Variants in CTNNAL1 observed in about 807,000 individuals in gnomAD.
The protein encoded by CTNNAL1 is catenin alpha like 1.
Under a neutral mutation model 93.6 loss-of-function variants are expected in CTNNAL1, and 69 were observed. The observed-to-expected ratio is 0.74, with a 90% CI of 0.61 to 0.90. The LOEUF is 0.90. Ranked by LOEUF, CTNNAL1 falls within the 40% of genes least tolerant of loss-of-function variation. The pLI is 0.00. For synonymous variants in CTNNAL1, 286 were observed against 305.4 expected (o/e 0.94, Z 0.66); for missense variants, 836 against 862.0 (o/e 0.97, Z 0.38).
At chr9:108,972,864 G>GGGGGGGGGGGGGGGGGGGGCCCCC in intron 8 of CTNNAL1, 31 bp from the exon 9 acceptor site, 1 of 142,590 alleles carries the variant, frequency 7.0e-6, no homozygotes, top group Non-Finnish European at 1.0e-5. Flanking sequence ...GGGGGGGTGG[G>GGGGGGGGGGGGGGGGGGGGCCCCC]AGGGTGGAGA....
intron 2 of CTNNAL1, among the ~76,000 whole-genome samples, chr9:108,997,726 G>A (rs1454211527): frequency 6.6e-6 from 1 of 152,050 alleles, no homozygotes; most frequent in East Asian, 1.9e-4. Flanking sequence ...AGTTATCCCT[G>A]GCTCTTCTAT....
intron 9 of CTNNAL1, among the ~76,000 whole-genome samples, chr9:108,970,762 A>G (rs544588365): frequency 1.3e-5 from 2 of 152,162 alleles, no homozygotes; most frequent in South Asian, 2.1e-4. Flanking sequence ...TAAAACAGAA[A>G]GAACCTTTGG....
intron 1 of CTNNAL1, among the ~76,000 whole-genome samples, chr9:109,007,259 A>C (rs574322194): frequency 1.2e-3 from 182 of 152,152 alleles, no homozygotes; most frequent in Non-Finnish European, 2.5e-3. Flanking sequence ...AGAAAAAAAA[A>C]CACGCATGTA....
In CTNNAL1 at chr9:108,966,491, G is replaced by A. The variant is rs143496412; in HGVS notation, c.1441-963C>T. Among the ~76,000 whole-genome samples the A allele has an allele frequency of 4.8e-4, 73 of 152,062 alleles. 1 individual carries two copies. In the East Asian group the frequency reaches 0.011, roughly 23 times the overall value. ...ATCCTAACTGATCCAAACCTCCCTCGTGCCCCTCAGTGCTCTCTCCCTTCC... is the reference window on the plus strand; with the variant it reads ...ATCCTAACTGATCCAAACCTCCCTCATGCCCCTCAGTGCTCTCTCCCTTCC... On this transcript the variant is annotated intron_variant, in intron 10 of 18. Transcript: ENST00000325551.
chr9:108,945,623 C>G (rs545879995), intron 15 of CTNNAL1, among the ~76,000 whole-genome samples: 36 of 109,962 alleles, frequency 3.3e-4, no homozygotes, highest in African/African-American at 1.0e-3. Flanking sequence ...CACCATGCCC[C>G]GCTAGTTTTT....
At chr9:108,966,861 A>G (rs1254186948) in intron 10 of CTNNAL1, among the ~76,000 whole-genome samples, 2 of 152,358 alleles carry the variant, frequency 1.3e-5, no homozygotes, top group East Asian at 3.9e-4. Flanking sequence ...CTGACCTGAC[A>G]TTCAGTAGAA....
intron 14 of CTNNAL1, 57 bp from the exon 15 acceptor site, chr9:108,948,291 T>A: frequency 6.6e-7 from 1 of 1,518,138 alleles, no homozygotes; most frequent in Non-Finnish European, 8.9e-7. Flanking sequence ...GAAAATTGAC[T>A]TTATAATATT....
chr9:109,008,078 T>TA (rs1376058049), intron 1 of CTNNAL1, among the ~76,000 whole-genome samples: 1 of 151,922 alleles, frequency 6.6e-6, no homozygotes, highest in Non-Finnish European at 1.5e-5. Flanking sequence ...ATACTACTGT[T>TA]AAAAGACATT....
chr9:108,990,220 T>A (rs1333464107), intron 4 of CTNNAL1, among the ~76,000 whole-genome samples: 2 of 152,188 alleles, frequency 1.3e-5, no homozygotes, highest in Non-Finnish European at 2.9e-5. Context: ...TAGTTAACAA[T>A]ACCTACCTCA....
intron 8 of CTNNAL1, 38 bp downstream of exon 8, chr9:108,976,924 A>G: frequency 2.4e-6 from 2 of 847,076 alleles, no homozygotes; most frequent in East Asian, 3.1e-5. Context: ...TGAAAATCAC[A>G]AAGAATTAGA....
chr9:108,974,441 T>C (rs1333899135), intron 8 of CTNNAL1, among the ~76,000 whole-genome samples: 1 of 152,196 alleles, frequency 6.6e-6, no homozygotes. Flanking sequence ...TCTTTCTATG[T>C]TTAACAGGAT....
chr9:108,943,659 A>G (rs778981030), intron 17 of CTNNAL1, 44 bp downstream of exon 17: 1 of 1,514,604 alleles, frequency 6.6e-7, no homozygotes. Flanking sequence ...GGCTTTAACC[A>G]GATAAAGATA....
intron 2 of CTNNAL1, among the ~76,000 whole-genome samples, chr9:108,993,225 C>G (rs1831881425): frequency 6.6e-6 from 1 of 152,192 alleles, no homozygotes; most frequent in Non-Finnish European, 1.5e-5. Context: ...GGGGAGAAGT[C>G]AGGGGTCACT....
Position 108,992,817 on chromosome 9 carries a change from C to T in CTNNAL1, c.334G>A (p.Glu112Lys). 1 of 1,603,404 alleles carries T rather than the reference C, an allele frequency of 6.2e-7. No individual in the cohort carries two copies. The highest frequency in any genetic ancestry group is 1.1e-5 in the South Asian group (1 of 88,790). Residue 112 changes from glutamate (E) to lysine (K), a missense_variant and splice_region_variant, in exon 3 of 19, where the codon GAA (glutamate) becomes AAA (lysine). Glu to Lys is a moderately conservative substitution (Grantham distance 56). Transcript: ENST00000325551. ...IACIEAKQAG[E>K]TIAALTDITN... ...ATGTCTGTAAGTGCTGCAATTGTTT[C>T]TCCTAACAAGAAAGACGAGGGGAGA... is the stretch of plus-strand genomic sequence containing the variant.
In CTNNAL1 at chr9:109,013,312, A is replaced by C. The variant is rs1827272119; in HGVS notation, c.131T>G (p.Leu44Arg). The change falls in exon 1 of 19, where the codon CTG becomes CGG. Residue 44 changes from leucine to arginine, a missense_variant. By Grantham distance (102) the Leu-to-Arg change is moderately radical. Coordinates refer to ENST00000325551, the MANE Select transcript of CTNNAL1 (RefSeq NM_003798.4). ...TRSVEQTLLP[L>R]VSQITTLINH... ...CAGGCGCCACTTTACCTGAGAAACC[A>C]GCGGGAGTAGCGTCTGCTCCACCGA... 6.6e-7 allele frequency: 1 copy of C among 1,504,398 alleles called. No individual in the cohort carries two copies. The highest frequency in any genetic ancestry group is 1.5e-5 in the African/African-American group (1 of 68,400). 93.2% of individuals were successfully genotyped at this position (1,504,398 alleles called of 1,614,324 possible).
At chr9:108,985,260 G>A (rs1161095112) in intron 4 of CTNNAL1, among the ~76,000 whole-genome samples, 1 of 152,198 alleles carries the variant, frequency 6.6e-6, no homozygotes, top group Non-Finnish European at 1.5e-5. Flanking sequence ...ACTCAATTCT[G>A]TCATTGTAGT....
chr9:108,992,886 C>T (rs779381043), intron 2 of CTNNAL1, 67 bp from the exon 3 acceptor site: 3 of 1,485,404 alleles, frequency 2.0e-6, no homozygotes, highest in African/African-American at 1.4e-5. Flanking sequence ...TTCTCTCTAA[C>T]CTTGAAGGTA....
chr9:108,957,747 A>T (rs1418668696), intron 11 of CTNNAL1, among the ~76,000 whole-genome samples: 1 of 152,180 alleles, frequency 6.6e-6, no homozygotes, highest in Non-Finnish European at 1.5e-5. Flanking sequence ...TTCACCATCT[A>T]TCTTAATTCA....
At chr9:108,944,484 T>A (rs1830341872) in intron 15 of CTNNAL1, among the ~76,000 whole-genome samples, 1 of 152,202 alleles carries the variant, frequency 6.6e-6, no homozygotes, top group South Asian at 2.1e-4. Flanking sequence ...AGAGAACCAA[T>A]CCAGGTGGTT....
Sources: gnomAD v4.1 joint callset for allele counts (sites outside exome capture counted in the v4.1 genomes callset) on GRCh38, gnomAD v4.1.1 for gene constraint, MANE v1.5 for transcripts, NCBI Gene and HGNC (gene_info 2026-07-23, HGNC 2026-07-21) for gene names.